The following EXOC6 variants were observed in gnomAD, a reference collection of about 807,000 sequenced individuals.
The protein encoded by EXOC6 is SEC15-like 1.
A neutral mutation model predicts 112.5 loss-of-function variants in EXOC6; 60 were observed. That is an observed-to-expected ratio of 0.53 (90% CI 0.43 to 0.66). EXOC6 has a LOEUF of 0.66. Among genes scored for constraint, EXOC6 ranks in the 30% least tolerant of loss-of-function variants. EXOC6 has a pLI of 0.00. For synonymous variants in EXOC6, 295 were observed against 308.0 expected, an observed-to-expected ratio of 0.96 and a Z score of 0.44; for missense variants, 855 against 957.1, an observed-to-expected ratio of 0.89 and a Z score of 1.41.
At chr10:92,975,955 C>G (rs558632635) in intron 18 of EXOC6, among the ~76,000 whole-genome samples, 1 of 144,926 alleles carries the variant, frequency 6.9e-6, no homozygotes, top group South Asian at 2.2e-4. Flanking sequence ...GCCGCCCCGT[C>G]CGGTAGGTGA....
rs549648126 is a variant in EXOC6, at chr10:92,849,934, A to G, written c.101+1300A>G. Among the ~76,000 whole-genome samples, 3 of 152,324 alleles carry G rather than the reference A, an allele frequency of 2.0e-5. No homozygotes were observed. In the East Asian group the frequency reaches 5.8e-4, roughly 29 times the overall value. ...CCCTAACACCAAGCATGTGGTAGGC[A>G]TGTTATAAATTTTTGTCACATAAGG... On this transcript the variant is annotated intron_variant, in intron 1 of 21. Transcript: ENST00000260762.
chr10:92,899,795 C>A, intron 5 of EXOC6, 151 bp downstream of exon 5: 1 of 514,026 alleles, frequency 1.9e-6, no homozygotes, highest in South Asian at 3.2e-5. Flanking sequence ...TCAGGATAAT[C>A]CACTAAAGCA....
intron 5 of EXOC6, among the ~76,000 whole-genome samples, chr10:92,902,690 C>T (rs889505898): frequency 2.6e-5 from 4 of 152,110 alleles, no homozygotes; most frequent in African/African-American, 9.7e-5. Flanking sequence ...TCTTATACTT[C>T]CTCACAGTCA....
chr10:92,870,010 G>A (rs1589734101), intron 1 of EXOC6, among the ~76,000 whole-genome samples: 1 of 146,462 alleles, frequency 6.8e-6, no homozygotes, highest in African/African-American at 2.5e-5. Flanking sequence ...GGAGTGCAGT[G>A]GTGCGATCTT....
At chr10:92,848,518 T>G (rs1847152440), upstream of EXOC6, 1 of 1,312,064 alleles carries the variant, frequency 7.6e-7, no homozygotes, top group Non-Finnish European at 1.0e-6. Flanking sequence ...CGCTGGCTCC[T>G]CAGCTTCCAG....
intron 1 of EXOC6, among the ~76,000 whole-genome samples, chr10:92,874,781 A>G (rs1215641197): frequency 6.6e-6 from 1 of 152,074 alleles, no homozygotes; most frequent in South Asian, 2.1e-4. Flanking sequence ...CTTTCTTTCT[A>G]TTTCTCCTTG....
At chr10:92,886,961 T>C (rs1177250534) in intron 1 of EXOC6, among the ~76,000 whole-genome samples, 1 of 152,214 alleles carries the variant, frequency 6.6e-6, no homozygotes, top group African/African-American at 2.4e-5. Flanking sequence ...TGGTTGTTAT[T>C]ATTTTTATCA....
In EXOC6 at chr10:92,915,910, A is replaced by G; in HGVS notation, c.816A>G (p.Glu272=). The G allele has an allele frequency of 1.3e-6, 2 of 1,530,252 alleles. No homozygotes were observed. Among genetic ancestry groups the G allele is most frequent in the Non-Finnish European group, 1.7e-6 (2 of 1,149,134 alleles). The allele number at this position is 1,530,252 out of a possible 1,614,324, so 94.8% of individuals were successfully genotyped here. ...TTGAAGAAGAGGATGAGAATGAAGA[A>G]GAGGTGATAGGTGTCTTTCTTTCTT... ...HSLEEEDENE[E]EILTVQDLVD... The change falls in exon 7 of 22, where the codon GAA becomes GAG. Residue 272 remains glutamate (E), a synonymous_variant. Transcript: ENST00000260762.
At chr10:92,901,432 A>C (rs1027057844) in intron 5 of EXOC6, 6 of 151,618 alleles carry the variant, frequency 4.0e-5, no homozygotes, top group Admixed American at 6.6e-5. Context: ...TTTTTTTCCG[A>C]TTATGGCTGT....
Position 92,878,891 on chromosome 10 carries a change from AC to A in EXOC6, c.102-14457del, listed in dbSNP as rs149370764. Among the ~76,000 whole-genome samples the A allele has an allele frequency of 5.1e-3, 777 of 152,290 alleles. 6 individuals are homozygous for A. Among genetic ancestry groups the A allele is most frequent in the African/African-American group, 0.015 (635 of 41,560 alleles). The stretch of plus-strand genomic sequence containing the variant: ...TTTTAATTTGTAATAAGAGCTTATC[AC>A]TTTTTTCCAAAGAAATCAACAAACT... On this transcript the variant is annotated intron_variant, in intron 1 of 21. Transcript: ENST00000260762.
intron 20 of EXOC6, among the ~76,000 whole-genome samples, chr10:93,049,898 G>T (rs1052170452): frequency 3.9e-5 from 6 of 152,142 alleles, no homozygotes; most frequent in African/African-American, 1.2e-4. Context: ...ATTCCCATTT[G>T]GGGAGTGATT....
At chr10:92,845,004 G>A (rs1416935921), upstream of EXOC6, among the ~76,000 whole-genome samples, 2 of 152,200 alleles carry the variant, frequency 1.3e-5, no homozygotes, top group Non-Finnish European at 2.9e-5. Flanking sequence ...GCAAAGTTAA[G>A]TTCCTAATGA....
intron 18 of EXOC6, among the ~76,000 whole-genome samples, chr10:92,975,720 C>G (rs1842541996): frequency 7.7e-6 from 1 of 130,660 alleles, no homozygotes; most frequent in East Asian, 2.3e-4. Context: ...GCCCGGCCAG[C>G]CGCCCCGTCC....
intron 5 of EXOC6, among the ~76,000 whole-genome samples, chr10:92,905,162 C>T (rs1294195914): frequency 6.6e-6 from 1 of 151,964 alleles, no homozygotes; most frequent in Non-Finnish European, 1.5e-5. Flanking sequence ...ACCATACAGT[C>T]TTTAATATTA....
intron 18 of EXOC6, among the ~76,000 whole-genome samples, chr10:92,975,696 T>G (rs1440311911): frequency 1.1e-5 from 1 of 95,114 alleles, no homozygotes; most frequent in Non-Finnish European, 2.2e-5. Context: ...TACTGGGAAG[T>G]GAGGAGCCCC....
chr10:92,848,496 G>A (rs1360347615), upstream of EXOC6: 2 of 1,215,590 alleles, frequency 1.6e-6, no homozygotes, highest in East Asian at 7.7e-5. Context: ...TCGTTCCCGC[G>A]GCGCCGCGCC....
At chr10:92,940,702 GCT>G in intron 12 of EXOC6, 23 bp from the exon 13 acceptor site, 1 of 1,107,820 alleles carries the variant, frequency 9.0e-7, no homozygotes. Flanking sequence ...TTGTTTATCT[GCT>G]TTTTTTTTTT....
chr10:92,954,009 G>A (rs1006834694), intron 15 of EXOC6, among the ~76,000 whole-genome samples: 41 of 152,058 alleles, frequency 2.7e-4, no homozygotes, highest in African/African-American at 8.9e-4. Context: ...GGCTGGGCGC[G>A]GTGCCTGACG....
intron 18 of EXOC6, among the ~76,000 whole-genome samples, chr10:92,991,650 G>T (rs996774698): frequency 6.6e-6 from 1 of 151,890 alleles, no homozygotes; most frequent in African/African-American, 2.4e-5. Flanking sequence ...GTAAAAATAC[G>T]CCATGTATTA....
Sources: allele counts gnomAD v4.1 joint callset (sites outside exome capture counted in the v4.1 genomes callset), GRCh38; gene constraint gnomAD v4.1.1; transcripts MANE v1.5; gene names NCBI Gene and HGNC (gene_info 2026-07-23, HGNC 2026-07-21).